Variants in UBR3 observed in about 807,000 individuals in gnomAD.
The protein encoded by UBR3 is ubiquitin protein ligase E3 component n-recognin 3.
UBR3 carries 85 observed loss-of-function variants against 243.2 expected under a neutral mutation model. The observed-to-expected ratio is 0.35, with a 90% confidence interval of 0.29 to 0.42. The LOEUF is 0.42. UBR3 is among the 10% of genes least tolerant of loss of function. UBR3 has a pLI of 1.00. For synonymous variants in UBR3, 748 were observed against 799.8 expected (o/e 0.94, Z 1.09); for missense variants, 1,686 against 2,300.8 (o/e 0.73, Z 5.47).
intron 25 of UBR3, among the ~76,000 whole-genome samples, 174 bp from the exon 26 acceptor site, chr2:169,994,149 C>G (rs2089397292): frequency 6.6e-6 from 1 of 152,136 alleles, no homozygotes; most frequent in African/African-American, 2.4e-5. Flanking sequence ...ATATGTGAAG[C>G]TTTATTTAGC....
At chr2:170,074,735 C>T (rs1186012673) in intron 36 of UBR3, among the ~76,000 whole-genome samples, 5 of 152,236 alleles carry the variant, frequency 3.3e-5, no homozygotes, top group Non-Finnish European at 7.4e-5. Context: ...ATCTTCCTTA[C>T]ATCCTAATCC....
At chr2:169,891,814 T>TA (rs2084389210) in intron 6 of UBR3, among the ~76,000 whole-genome samples, 1 of 152,194 alleles carries the variant, frequency 6.6e-6, no homozygotes, top group South Asian at 2.1e-4. Flanking sequence ...AGATTATGGC[T>TA]AATGAGAGGT....
intron 26 of UBR3, among the ~76,000 whole-genome samples, chr2:169,996,123 A>G (rs1385754695): frequency 6.6e-6 from 1 of 152,358 alleles, no homozygotes; most frequent in Non-Finnish European, 1.5e-5. Flanking sequence ...ATCAGAATAA[A>G]TAGGAACTGA....
intron 30 of UBR3, among the ~76,000 whole-genome samples, chr2:170,021,295 C>T (rs1364816125): frequency 1.3e-5 from 2 of 152,058 alleles, no homozygotes; most frequent in Non-Finnish European, 2.9e-5. Flanking sequence ...TAGTCTATAA[C>T]AATATACCAT....
chr2:170,037,918 A>G (rs958827571), intron 31 of UBR3, among the ~76,000 whole-genome samples: 8 of 152,174 alleles, frequency 5.3e-5, no homozygotes, highest in African/African-American at 1.9e-4. Context: ...ATTTTAAATA[A>G]TATTGGAAGG....
At chr2:169,868,849 G>A (rs1316643829) in intron 1 of UBR3, among the ~76,000 whole-genome samples, 1 of 152,114 alleles carries the variant, frequency 6.6e-6, no homozygotes, top group Admixed American at 6.5e-5. Context: ...TTCAGAGTTG[G>A]TTTGTTAGAA....
At chr2:169,857,182 T>G (rs1422276973) in intron 1 of UBR3, among the ~76,000 whole-genome samples, 1 of 148,996 alleles carries the variant, frequency 6.7e-6, no homozygotes, top group Non-Finnish European at 1.5e-5. Context: ...TGAGTGATTC[T>G]TGTGCCTCAG....
chr2:169,979,369 C>A (rs1476263690), intron 24 of UBR3, among the ~76,000 whole-genome samples: 1 of 152,154 alleles, frequency 6.6e-6, no homozygotes, highest in Admixed American at 6.5e-5. Context: ...CTTAATCTTA[C>A]CATATGATCC....
chr2:169,931,282 C>G (rs1434493637), intron 18 of UBR3, among the ~76,000 whole-genome samples: 3 of 131,882 alleles, frequency 2.3e-5, no homozygotes, highest in African/African-American at 8.6e-5. Flanking sequence ...ACCTGGGAGG[C>G]GGAGCTTGCA....
At chr2:169,992,919 C>T (rs898076764) in intron 25 of UBR3, among the ~76,000 whole-genome samples, 1 of 152,088 alleles carries the variant, frequency 6.6e-6, no homozygotes, top group African/African-American at 2.4e-5. Context: ...CACCACCATA[C>T]CCAGCTAAAT....
intron 35 of UBR3, 168 bp from the exon 36 acceptor site, chr2:170,073,260 A>T: frequency 1.5e-6 from 1 of 662,812 alleles, no homozygotes. Flanking sequence ...TATAACAGCT[A>T]GGAACCTTTT....
chr2:169,890,544 T>TATATATATATATAC lies in UBR3; in HGVS notation c.1039-608_1039-607insCATATATATATATA, dbSNP rs1559063864. ...TTTCTAGGAGAGAGAGAGAGAGATA[T>TATATATATATATAC]ATATATATATATATATATATGTGTA... On this transcript the variant is annotated intron_variant, in intron 5 of 38. Coordinates refer to ENST00000272793, the MANE Select transcript of UBR3 (RefSeq NM_172070.4). Among the ~76,000 whole-genome samples the TATATATATATATAC allele has an allele frequency of 1.8e-3, 102 of 56,070 alleles. 3 individuals are homozygous for TATATATATATATAC. The highest frequency in any genetic ancestry group is 7.1e-3 in the African/African-American group (101 of 14,316). 36.8% of individuals were successfully genotyped at this position (56,070 alleles called of 152,430 possible).
At chr2:169,898,878 T>C (rs2084699041) in intron 8 of UBR3, among the ~76,000 whole-genome samples, 1 of 151,528 alleles carries the variant, frequency 6.6e-6, no homozygotes, top group Non-Finnish European at 1.5e-5. Flanking sequence ...ATTTTTTGTA[T>C]TTTTAGTAGA....
intron 1 of UBR3, among the ~76,000 whole-genome samples, chr2:169,843,319 C>G (rs748800396): frequency 6.6e-6 from 1 of 152,216 alleles, no homozygotes; most frequent in Non-Finnish European, 1.5e-5. Flanking sequence ...CCTTCTGCTG[C>G]ATCTTCACAT....
chr2:169,999,673 A>G (rs922546060), intron 26 of UBR3, among the ~76,000 whole-genome samples: 1 of 152,196 alleles, frequency 6.6e-6, no homozygotes, highest in South Asian at 2.1e-4. Flanking sequence ...TTGGGCCCAA[A>G]TGCTATTTGA....
chr2:169,936,320 A>G (rs567314387), intron 19 of UBR3, among the ~76,000 whole-genome samples: 134 of 152,116 alleles, frequency 8.8e-4, no homozygotes, highest in Non-Finnish European at 2.2e-4. Context: ...TGGCCTCCCA[A>G]AGTGCTGGGA....
Position 169,905,278 on chromosome 2 carries a change from G to T in UBR3, c.1630G>T (p.Val544Leu). 1 of 1,520,624 alleles carries T rather than the reference G, an allele frequency of 6.6e-7. No homozygotes were observed. The highest frequency in any genetic ancestry group is 8.8e-7 in the Non-Finnish European group (1 of 1,134,708). 94.2% of individuals were successfully genotyped at this position (1,520,624 alleles called of 1,614,324 possible). A position where few individuals can be genotyped will look rare whatever the true frequency, so the allele number is the denominator to read the frequency against. ...TTTGTTAGTTACATGGATGAACTTTGTATCTTTCTTTCAAGGTATGAATTT... is the reference window on the plus strand; with the variant it reads ...TTTGTTAGTTACATGGATGAACTTTTTATCTTTCTTTCAAGGTATGAATTT... Reference protein sequence around the residue: ...HGLLVTWMNFVSFFQGMNLNK... With the variant: ...HGLLVTWMNFLSFFQGMNLNK... The change falls in exon 9 of 39, where the codon GTA becomes TTA. Residue 544 changes from valine to leucine, a missense_variant. Physicochemically the swap from Val to Leu is conservative, Grantham distance 32. Around this residue, in one of 8 missense-constraint regions of UBR3, gnomAD observed 346 missense variants for 585.8 expected, o/e 0.59. Coordinates refer to ENST00000272793, the MANE Select transcript of UBR3 (RefSeq NM_172070.4).
intron 24 of UBR3, among the ~76,000 whole-genome samples, chr2:169,973,153 C>G (rs1011868420): frequency 4.6e-5 from 5 of 108,932 alleles, no homozygotes; most frequent in African/African-American, 1.7e-4. Context: ...CATGAGTGAA[C>G]TCCCATTCAC....
At chr2:170,053,002 A>G (rs561885755) in intron 32 of UBR3, among the ~76,000 whole-genome samples, 2 of 152,332 alleles carry the variant, frequency 1.3e-5, no homozygotes, top group South Asian at 4.1e-4. Context: ...AAGCTGGAGG[A>G]AAAATAAAAG....
Sources: gnomAD v4.1 joint callset for allele counts (sites outside exome capture counted in the v4.1 genomes callset) on GRCh38, gnomAD v4.1.1 for gene constraint, gnomAD v4.1.1 regional missense constraint, MANE v1.5 for transcripts, NCBI Gene and HGNC (gene_info 2026-07-23, HGNC 2026-07-21) for gene names.